The following NRG1 variants were observed in gnomAD, a reference collection of about 807,000 sequenced individuals.
NRG1 encodes the protein neuregulin 1.
A neutral mutation model predicts 63.8 loss-of-function variants in NRG1; 18 were observed. That is an observed-to-expected ratio of 0.28 (90% CI 0.19 to 0.42). NRG1 has a LOEUF of 0.42. Among genes scored for constraint, NRG1 ranks in the 10% least tolerant of loss-of-function variants. The pLI is 1.00. For missense variants in NRG1, 762 were observed against 814.7 expected, an observed-to-expected ratio of 0.94 and a Z score of 0.79; for synonymous variants, 302 against 301.3, an observed-to-expected ratio of 1.00 and a Z score of -0.02.
At chr8:31,694,220 A>G (rs925492687) in intron 1 of NRG1, among the ~76,000 whole-genome samples, 1 of 152,150 alleles carries the variant, frequency 6.6e-6, no homozygotes, top group African/African-American at 2.4e-5. Context: ...TACCTTATTT[A>G]TGAATCATCT....
intron 6 of NRG1, among the ~76,000 whole-genome samples, chr8:32,736,507 ATTCC>A (rs751343705): frequency 6.6e-6 from 1 of 152,252 alleles, no homozygotes; most frequent in Non-Finnish European, 1.5e-5. Flanking sequence ...TCTCACCAAT[ATTCC>A]TTGATAGAGA....
Position 31,648,124 on chromosome 8 carries a change from C to CTTTT in NRG1, c.37+8717_37+8720dup, listed in dbSNP as rs36074483. Among the ~76,000 whole-genome samples, 59 of 51,304 alleles carry CTTTT rather than the reference C, an allele frequency of 1.2e-3. 9 individuals are homozygous for CTTTT. Among genetic ancestry groups the CTTTT allele is most frequent in the South Asian group, 3.3e-3 (3 of 910 alleles). The allele number at this position is 51,304 out of a possible 152,430, so 33.7% of individuals were successfully genotyped here. On this transcript the variant is annotated intron_variant, in intron 1 of 10. Transcript: ENST00000519301. ...TTCTGTCTTTACAAATTTGACTACT[C>CTTTT]TTTTTTTTTTTTTTTTTTTTTTTTT... is the stretch of plus-strand genomic sequence containing the variant.
At chr8:31,962,085 C>T (rs1301972182) in intron 1 of NRG1, among the ~76,000 whole-genome samples, 1 of 152,116 alleles carries the variant, frequency 6.6e-6, no homozygotes, top group Non-Finnish European at 1.5e-5. Flanking sequence ...TATTCTTCTT[C>T]AAACCGTGTA....
intron 1 of NRG1, among the ~76,000 whole-genome samples, chr8:32,203,437 C>A (rs953250096): frequency 3.3e-5 from 5 of 151,466 alleles, no homozygotes; most frequent in South Asian, 2.1e-4. Flanking sequence ...TGCAGTGGTG[C>A]AATCTTGGCT....
At chr8:32,067,475 A>G (rs950512788) in intron 1 of NRG1, among the ~76,000 whole-genome samples, 6 of 152,284 alleles carry the variant, frequency 3.9e-5, no homozygotes, top group South Asian at 4.1e-4. Flanking sequence ...GGTTCTGTTT[A>G]TATGCTGGAT....
chr8:32,490,318 C>T (rs1826402606), intron 1 of NRG1, among the ~76,000 whole-genome samples: 1 of 150,260 alleles, frequency 6.7e-6, no homozygotes, highest in Non-Finnish European at 1.5e-5. Context: ...AAAAAAAAAA[C>T]TGGGGGCCAC....
At chr8:31,660,131 C>T (rs1805834876) in intron 1 of NRG1, among the ~76,000 whole-genome samples, 1 of 152,158 alleles carries the variant, frequency 6.6e-6, no homozygotes, top group Admixed American at 6.5e-5. Context: ...ATGTGACAGC[C>T]ATTATAATGT....
At chr8:32,422,007 TTGAGGGA>T (rs142511175) in intron 1 of NRG1, among the ~76,000 whole-genome samples, 24,054 of 151,732 alleles carry the variant, frequency 0.16, 2,109 homozygotes, top group Admixed American at 0.26. Flanking sequence ...GTGAGCAGGG[TTGAGGGA>T]TGAAAAATTA....
At chr8:32,743,748 A>G (rs950072967) in intron 7 of NRG1, among the ~76,000 whole-genome samples, 3 of 151,874 alleles carry the variant, frequency 2.0e-5, no homozygotes, top group East Asian at 1.9e-4. Flanking sequence ...CTGGACACAT[A>G]TAACTTCTGA....
intron 1 of NRG1, among the ~76,000 whole-genome samples, chr8:31,716,852 T>G (rs988454822): frequency 6.6e-6 from 1 of 152,214 alleles, no homozygotes; most frequent in African/African-American, 2.4e-5. Context: ...ATTCTATAAT[T>G]TAAAATAAAC....
intron 1 of NRG1, among the ~76,000 whole-genome samples, chr8:32,027,452 CCTTCCTTCCTTCCT>C (rs1563695955): frequency 4.5e-5 from 6 of 133,438 alleles, no homozygotes; most frequent in African/African-American, 1.8e-4. Context: ...TTCCTTCCTT[CCTTCCTTCCTTCCT>C]TCCCTCCCTC....
chr8:31,983,119 T>A (rs550014937), intron 1 of NRG1, among the ~76,000 whole-genome samples: 1 of 152,222 alleles, frequency 6.6e-6, no homozygotes, highest in African/African-American at 2.4e-5. Flanking sequence ...TGGAAAAAAG[T>A]CTGCAGAATA....
intron 1 of NRG1, among the ~76,000 whole-genome samples, chr8:32,028,216 C>A (rs1026957734): frequency 6.6e-6 from 1 of 152,076 alleles, no homozygotes; most frequent in Non-Finnish European, 1.5e-5. Flanking sequence ...GTGTCCATAC[C>A]GTTTTTTTGG....
At chr8:32,103,190 C>T (rs1002929578) in intron 1 of NRG1, among the ~76,000 whole-genome samples, 1 of 152,112 alleles carries the variant, frequency 6.6e-6, no homozygotes, top group Non-Finnish European at 1.5e-5. Context: ...CCCCCAGTAC[C>T]CTTCCTATCC....
chr8:31,768,878 T>G (rs1818336902), intron 1 of NRG1, among the ~76,000 whole-genome samples: 1 of 152,210 alleles, frequency 6.6e-6, no homozygotes, highest in African/African-American at 2.4e-5. Context: ...AATCCACAGT[T>G]ATCTTAAACT....
chr8:32,628,906 G>C (rs4733366), intron 5 of NRG1, among the ~76,000 whole-genome samples: 18,174 of 151,756 alleles, frequency 0.12, 2,182 homozygotes, highest in East Asian at 0.52. Context: ...CTAATATTTT[G>C]TATTTTTGGT....
At chr8:32,333,808 C>T (rs1373032654) in intron 1 of NRG1, among the ~76,000 whole-genome samples, 2 of 152,162 alleles carry the variant, frequency 1.3e-5, no homozygotes, top group African/African-American at 4.8e-5. Context: ...TCCTGTTACC[C>T]TGTGTACGAA....
At chr8:32,461,604 A>G (rs1337150282) in intron 1 of NRG1, among the ~76,000 whole-genome samples, 1 of 152,092 alleles carries the variant, frequency 6.6e-6, no homozygotes, top group East Asian at 1.9e-4. Context: ...AGGTGGGAGA[A>G]TTGCTTGAAC....
chr8:31,760,685 A>T (rs1441899686), intron 1 of NRG1, among the ~76,000 whole-genome samples: 1 of 152,246 alleles, frequency 6.6e-6, no homozygotes, highest in Non-Finnish European at 1.5e-5. Flanking sequence ...TATGCAGCCA[A>T]AAGACGCATG....
Sources: gnomAD v4.1 joint callset for allele counts (sites outside exome capture counted in the v4.1 genomes callset) on GRCh38, gnomAD v4.1.1 for gene constraint, MANE v1.5 for transcripts, NCBI Gene and HGNC (gene_info 2026-07-23, HGNC 2026-07-21) for gene names.